The following CCDC102B variants were observed in gnomAD, a reference collection of about 807,000 sequenced individuals.
The protein encoded by CCDC102B is coiled-coil domain containing 102B.
CCDC102B carries 75 observed loss-of-function variants against 57.4 expected under a neutral mutation model. That is an observed-to-expected ratio of 1.31 (90% CI 1.08 to 1.58). CCDC102B has a LOEUF of 1.58. Among genes scored for constraint, CCDC102B ranks in the 40% most tolerant of loss-of-function variants. The probability of loss-of-function intolerance (pLI) is 0.00; values close to 1 mark genes in which losing one functional copy is unlikely to be tolerated. For missense variants in CCDC102B, 636 were observed against 582.6 expected (o/e 1.09, Z -0.94); for synonymous variants, 206 against 201.9 (o/e 1.02, Z -0.17).
intron 6 of CCDC102B, among the ~76,000 whole-genome samples, chr18:68,975,522 TTC>T (rs1338945796): frequency 6.6e-6 from 1 of 152,016 alleles, no homozygotes; most frequent in Non-Finnish European, 1.5e-5. Flanking sequence ...GTAAAACTGT[TTC>T]TGAGTCCTTT....
At chr18:68,996,780 G>T (rs946512026) in intron 6 of CCDC102B, among the ~76,000 whole-genome samples, 1 of 152,164 alleles carries the variant, frequency 6.6e-6, no homozygotes, top group Non-Finnish European at 1.5e-5. Context: ...TTGGGTTAAT[G>T]CTGGAATTAA....
intron 6 of CCDC102B, among the ~76,000 whole-genome samples, chr18:69,007,087 A>T (rs529756408): frequency 3.2e-4 from 49 of 152,296 alleles, no homozygotes; most frequent in African/African-American, 7.0e-4. Context: ...CTGATTTTTT[A>T]AAAAATCACT....
chr18:68,968,501 T>A (rs139404618), intron 6 of CCDC102B, among the ~76,000 whole-genome samples: 6 of 152,338 alleles, frequency 3.9e-5, no homozygotes, highest in Non-Finnish European at 7.4e-5. Context: ...ATAATCCAGA[T>A]AATGAAGATA....
rs970205311 is a variant in CCDC102B at position 68,963,737 on chromosome 18, G to C, written c.1264-47197G>C. ...CTGCAGGTTATCATGGGTTTTTTTG[G>C]CTGGTGACTAAAATTTTGTATCCAA... On this transcript the variant is annotated intron_variant, in intron 6 of 7. Coordinates refer to ENST00000360242, the MANE Select transcript of CCDC102B (RefSeq NM_024781.3). 3.3e-5 allele frequency among the ~76,000 whole-genome samples: 5 copies of C among 151,660 alleles called. No homozygotes were observed. The South Asian group carries it at 1.0e-3, about 32-fold the overall frequency.
downstream of CCDC102B, among the ~76,000 whole-genome samples, chr18:69,056,942 T>G (rs1431410): frequency 0.94 from 142,466 of 151,938 alleles, 67,530 homozygotes; most frequent in East Asian, 1. Context: ...CTAGGAATAT[T>G]TCTCCTTTAG....
At chr18:69,045,069 AGTAGG>A (rs1159460339) in intron 7 of CCDC102B, among the ~76,000 whole-genome samples, 1 of 151,922 alleles carries the variant, frequency 6.6e-6, no homozygotes, top group Non-Finnish European at 1.5e-5. Flanking sequence ...ACCCTACTGG[AGTAGG>A]GCCCCACTCT....
At chr18:68,861,479 T>C (rs1217813941) in intron 4 of CCDC102B, among the ~76,000 whole-genome samples, 1 of 152,208 alleles carries the variant, frequency 6.6e-6, no homozygotes, top group Non-Finnish European at 1.5e-5. Context: ...GTATCTTTCA[T>C]GTCTTGAAGC....
At chr18:68,806,743 A>G (rs898857642) in intron 1 of CCDC102B, among the ~76,000 whole-genome samples, 1 of 152,128 alleles carries the variant, frequency 6.6e-6, no homozygotes, top group Non-Finnish European at 1.5e-5. Flanking sequence ...AACATGTGAA[A>G]TTAATTTTAA....
chr18:68,812,754 TTTGTTG>T (rs1387991066), intron 1 of CCDC102B, among the ~76,000 whole-genome samples: 2 of 152,196 alleles, frequency 1.3e-5, no homozygotes, highest in African/African-American at 4.8e-5. Context: ...CTTCTACATT[TTTGTTG>T]TTGTTGCTGT....
intron 7 of CCDC102B, among the ~76,000 whole-genome samples, chr18:69,016,203 A>G (rs1163836785): frequency 1.3e-5 from 2 of 152,108 alleles, no homozygotes; most frequent in Non-Finnish European, 1.5e-5. Flanking sequence ...AGGTTCATGT[A>G]TACATCCATA....
intron 6 of CCDC102B, among the ~76,000 whole-genome samples, chr18:68,942,418 C>T (rs950131822): frequency 3.3e-5 from 5 of 151,988 alleles, no homozygotes; most frequent in African/African-American, 1.2e-4. Context: ...CCCACGCCGG[C>T]CCAGTCTCTG....
At chr18:69,050,634 T>C (rs970182725) in intron 7 of CCDC102B, among the ~76,000 whole-genome samples, 1 of 152,186 alleles carries the variant, frequency 6.6e-6, no homozygotes, top group African/African-American at 2.4e-5. Flanking sequence ...TTCATCTTCA[T>C]TACAAGACTA....
intron 6 of CCDC102B, among the ~76,000 whole-genome samples, chr18:68,922,519 C>A (rs1397538315): frequency 6.6e-6 from 1 of 152,076 alleles, no homozygotes; most frequent in Non-Finnish European, 1.5e-5. Context: ...TCAAATGAAA[C>A]AAGGTTGTCC....
At chr18:68,932,946 G>A (rs553791635) in intron 6 of CCDC102B, among the ~76,000 whole-genome samples, 2 of 151,890 alleles carry the variant, frequency 1.3e-5, no homozygotes, top group East Asian at 3.9e-4. Context: ...AGCACTTTGT[G>A]TTATTTGTTG....
chr18:68,740,473 G>C (rs1037678889), intron 2 of CCDC102B, among the ~76,000 whole-genome samples: 2 of 152,116 alleles, frequency 1.3e-5, no homozygotes, highest in African/African-American at 4.8e-5. Flanking sequence ...GTTTTGCTTT[G>C]GTTTTACAGG....
At chr18:68,986,215 G>T (rs1452206184) in intron 6 of CCDC102B, among the ~76,000 whole-genome samples, 3 of 151,888 alleles carry the variant, frequency 2.0e-5, no homozygotes, top group Admixed American at 2.0e-4. Flanking sequence ...AAAACTTCAG[G>T]TCCAAAACCC....
intron 6 of CCDC102B, among the ~76,000 whole-genome samples, chr18:68,994,772 T>A (rs1433304137): frequency 1.3e-5 from 2 of 152,182 alleles, no homozygotes; most frequent in Non-Finnish European, 1.5e-5. Flanking sequence ...ACTCTTTCCT[T>A]TGTAAATTAC....
intron 6 of CCDC102B, among the ~76,000 whole-genome samples, chr18:68,903,258 T>G (rs1240596938): frequency 6.6e-6 from 1 of 152,180 alleles, no homozygotes; most frequent in African/African-American, 2.4e-5. Context: ...TCCCTGATCC[T>G]AAACCATTTT....
chr18:68,853,702 A>AAAAAAAAAT (rs2038248352), intron 4 of CCDC102B, among the ~76,000 whole-genome samples: 1 of 145,124 alleles, frequency 6.9e-6, no homozygotes, highest in African/African-American at 2.7e-5. Flanking sequence ...AAAAAAAAAA[A>AAAAAAAAAT]TCTGACTCAA....
Sources: allele counts gnomAD v4.1 joint callset (sites outside exome capture counted in the v4.1 genomes callset), GRCh38; gene constraint gnomAD v4.1.1; transcripts MANE v1.5; gene names NCBI Gene and HGNC (gene_info 2026-07-23, HGNC 2026-07-21).